Variants in PDE7A observed in about 807,000 individuals in gnomAD.
PDE7A encodes high affinity 3',5'-cyclic-AMP phosphodiesterase 7A.
A neutral mutation model predicts 64.3 loss-of-function variants in PDE7A; 39 were observed. That is an observed-to-expected ratio of 0.61 (90% CI 0.47 to 0.79). The LOEUF (loss-of-function observed/expected upper bound fraction) is 0.79. PDE7A is among the 30% of genes least tolerant of loss of function. PDE7A has a pLI of 0.00. For missense variants in PDE7A, 470 were observed against 582.8 expected (o/e 0.81, Z 1.99); for synonymous variants, 203 against 206.8 (o/e 0.98, Z 0.16).
rs899794669 is a variant in PDE7A, at chr8:65,723,482, C to T, written c.1243+59G>A. 21 of 1,335,912 alleles carry T rather than the reference C, an allele frequency of 1.6e-5. 2 individuals are homozygous for T. The Admixed American group carries it at 4.2e-4, about 27-fold the overall frequency. The allele number at this position is 1,335,912 out of a possible 1,614,324, so 82.8% of individuals were successfully genotyped here. Reference sequence around the variant, plus strand: ...TATTTTATATTTCAAATATATTTCCCTTCTTGATAAAAACAGTGGCATTTT... The same window carrying T: ...TATTTTATATTTCAAATATATTTCCTTTCTTGATAAAAACAGTGGCATTTT... On this transcript the variant is annotated intron_variant, in intron 12 of 12. Transcript: ENST00000401827.
intron 1 of PDE7A, among the ~76,000 whole-genome samples, chr8:65,807,529 T>C (rs1378759725): frequency 5.9e-5 from 9 of 152,142 alleles, no homozygotes; most frequent in African/African-American, 2.2e-4. Flanking sequence ...TTATTTTTCT[T>C]GCCTAACTGA....
intron 3 of PDE7A, among the ~76,000 whole-genome samples, chr8:65,754,102 G>A (rs1365926667): frequency 6.6e-6 from 1 of 152,142 alleles, no homozygotes; most frequent in Admixed American, 6.5e-5. Context: ...CTGAGTCCCA[G>A]AACTGAAGAA....
At chr8:65,812,777 T>C (rs911804895) in intron 1 of PDE7A, among the ~76,000 whole-genome samples, 5 of 152,218 alleles carry the variant, frequency 3.3e-5, no homozygotes, top group African/African-American at 1.2e-4. Context: ...GCACCACTTT[T>C]AATAGAAGCA....
At chr8:65,841,022 G>A (rs1343889393) in intron 1 of PDE7A, among the ~76,000 whole-genome samples, 1 of 152,218 alleles carries the variant, frequency 6.6e-6, no homozygotes, top group Non-Finnish European at 1.5e-5. Flanking sequence ...GAGCACAGGT[G>A]TACCCTGGGG....
intron 1 of PDE7A, among the ~76,000 whole-genome samples, chr8:65,815,445 A>C (rs1056212854): frequency 2.6e-5 from 4 of 152,194 alleles, no homozygotes; most frequent in African/African-American, 7.2e-5. Flanking sequence ...TGTGAAACAA[A>C]ATTTGAGATT....
chr8:65,777,280 T>C (rs1380357777), intron 3 of PDE7A, among the ~76,000 whole-genome samples: 3 of 152,108 alleles, frequency 2.0e-5, no homozygotes, highest in South Asian at 4.2e-4. Context: ...GGTTTCTCTA[T>C]GTTGGTCAGG....
At chr8:65,823,343 A>T (rs115493380) in intron 1 of PDE7A, among the ~76,000 whole-genome samples, 1 of 152,194 alleles carries the variant, frequency 6.6e-6, no homozygotes, top group Non-Finnish European at 1.5e-5. Context: ...ATTGCAGGTA[A>T]TCTATGTTCT....
intron 1 of PDE7A, chr8:65,789,207 G>A (rs943762819): frequency 5.6e-5 from 25 of 447,488 alleles, no homozygotes; most frequent in African/African-American, 3.2e-4. Context: ...GAAGAGGGGA[G>A]GGAAAAGACT....
intron 3 of PDE7A, among the ~76,000 whole-genome samples, chr8:65,754,658 G>GT (rs1183917176): frequency 4.7e-5 from 7 of 147,972 alleles, no homozygotes; most frequent in Admixed American, 2.7e-4. Flanking sequence ...TATATGCCTT[G>GT]TTTTTTGTTC....
chr8:65,735,553 C>T (rs2128898060), intron 6 of PDE7A, among the ~76,000 whole-genome samples: 1 of 152,272 alleles, frequency 6.6e-6, no homozygotes, highest in Middle Eastern at 3.4e-3. Context: ...TCAAGGAGTC[C>T]ACCTGCCTTG....
intron 3 of PDE7A, among the ~76,000 whole-genome samples, chr8:65,767,999 C>T (rs577929450): frequency 1.3e-5 from 2 of 152,070 alleles, no homozygotes; most frequent in East Asian, 3.9e-4. Flanking sequence ...GGAACTGAGC[C>T]CTTAACCTGT....
intron 1 of PDE7A, among the ~76,000 whole-genome samples, chr8:65,808,694 A>G (rs532715359): frequency 6.6e-6 from 1 of 152,348 alleles, no homozygotes; most frequent in African/African-American, 2.4e-5. Context: ...AAAGAAAAAT[A>G]CAATTTATAT....
chr8:65,813,359 C>T (rs920533446), intron 1 of PDE7A, among the ~76,000 whole-genome samples: 2 of 152,012 alleles, frequency 1.3e-5, no homozygotes, highest in African/African-American at 4.8e-5. Context: ...AAACTGTTAA[C>T]AGCCTAAGCA....
At chr8:65,788,648 C>T (rs1809622919) in intron 1 of PDE7A, among the ~76,000 whole-genome samples, 1 of 152,042 alleles carries the variant, frequency 6.6e-6, no homozygotes, top group South Asian at 2.1e-4. Flanking sequence ...AGGAATGCTG[C>T]TTTGATACTG....
chr8:65,828,907 T>C (rs1810742973), intron 1 of PDE7A, among the ~76,000 whole-genome samples: 1 of 152,154 alleles, frequency 6.6e-6, no homozygotes, highest in African/African-American at 2.4e-5. Context: ...TTGCTAATTT[T>C]CTACCGAGTA....
chr8:65,746,224 G>A (rs963175028), intron 4 of PDE7A, among the ~76,000 whole-genome samples: 1 of 151,624 alleles, frequency 6.6e-6, no homozygotes, highest in Non-Finnish European at 1.5e-5. Context: ...ATGAGCCACT[G>A]CACCCAGCCC....
At chr8:65,745,283 C>T (rs1807623328) in intron 5 of PDE7A, 124 bp downstream of exon 5, 1 of 688,296 alleles carries the variant, frequency 1.5e-6, no homozygotes, top group African/African-American at 1.8e-5. Flanking sequence ...TGGACTAATA[C>T]ACTCTCTTCC....
chr8:65,798,142 A>C (rs2128927415), intron 1 of PDE7A, among the ~76,000 whole-genome samples: 1 of 147,750 alleles, frequency 6.8e-6, no homozygotes, highest in East Asian at 2.0e-4. Context: ...GAATAAAAGA[A>C]TTAGTATCCA....
intron 1 of PDE7A, among the ~76,000 whole-genome samples, chr8:65,786,270 T>G (rs1437207666): frequency 6.6e-6 from 1 of 152,178 alleles, no homozygotes; most frequent in African/African-American, 2.4e-5. Context: ...AAGACATAGC[T>G]TTTATGAAAT....
Sources: allele counts gnomAD v4.1 joint callset (sites outside exome capture counted in the v4.1 genomes callset), GRCh38; gene constraint gnomAD v4.1.1; transcripts MANE v1.5; gene names NCBI Gene and HGNC (gene_info 2026-07-23, HGNC 2026-07-21).